The following USP34 variants were observed in gnomAD, a reference collection of about 807,000 sequenced individuals.
USP34 encodes the protein ubiquitin specific peptidase 34.
USP34 carries 70 observed loss-of-function variants against 460.3 expected under a neutral mutation model. The ratio of observed to expected loss-of-function variants is 0.15; its 90% CI spans 0.13 to 0.19. The LOEUF (loss-of-function observed/expected upper bound fraction) is 0.19, where lower values mean the gene tolerates loss of function less well. Ranked by LOEUF, USP34 falls within the 10% of genes least tolerant of loss-of-function variation. The pLI is 1.00. For missense variants in USP34, 3,985 were observed against 4,236.2 expected (o/e 0.94, Z 1.65); for synonymous variants, 1,647 against 1,405.3 (o/e 1.17, Z -3.85).
In USP34 at chr2:61,281,482, T is replaced by C. The variant is rs571129916; in HGVS notation, c.4999-240A>G. On this transcript the variant is annotated intron_variant, in intron 37 of 79. Transcript: ENST00000398571. The stretch of plus-strand genomic sequence containing the variant: ...CAAAAATTAACCGGGTGTGGTGACT[T>C]GCGCCTGTAGTCCCAGCTACTCTGG... Among the ~76,000 whole-genome samples, 287 of 152,252 alleles carry C rather than the reference T, an allele frequency of 1.9e-3. 1 individual carries two copies. Among genetic ancestry groups the C allele is most frequent in the African/African-American group, 6.5e-3 (271 of 41,554 alleles).
At chr2:61,357,499 A>C (rs1377580667) in intron 10 of USP34, among the ~76,000 whole-genome samples, 1 of 152,230 alleles carries the variant, frequency 6.6e-6, no homozygotes, top group East Asian at 1.9e-4. Context: ...ATCTCAATTC[A>C]ACAACTAAAC....
chr2:61,275,371 GT>G, intron 41 of USP34, among the ~76,000 whole-genome samples: 1 of 152,162 alleles, frequency 6.6e-6, no homozygotes, highest in East Asian at 1.9e-4. Flanking sequence ...AATCCCAACA[GT>G]TTGGGAGGCC....
intron 41 of USP34, among the ~76,000 whole-genome samples, chr2:61,270,439 T>C (rs1240556848): frequency 6.6e-6 from 1 of 152,148 alleles, no homozygotes; most frequent in African/African-American, 2.4e-5. Context: ...TATACAATAT[T>C]TTATTTTATT....
At chr2:61,381,252 T>C (rs1176136874) in intron 6 of USP34, among the ~76,000 whole-genome samples, 6 of 127,310 alleles carry the variant, frequency 4.7e-5, no homozygotes, top group Non-Finnish European at 1.0e-4. Context: ...AATGTAAAAC[T>C]AAAAAAAAAT....
rs1244491948 is a variant in USP34 at position 61,301,094 on chromosome 2, A to G, written c.3985T>C (p.Ser1329Pro). 6.2e-7 allele frequency: 1 copy of G among 1,614,036 alleles called. No homozygotes were observed. The highest frequency in any genetic ancestry group is 8.5e-7 in the Non-Finnish European group (1 of 1,180,026). The change falls in exon 29 of 80, where the codon TCT (serine) becomes CCT (proline). Residue 1329 changes from serine to proline, a missense_variant. Around this residue, in one of 14 missense-constraint regions of USP34, gnomAD observed 1,114 missense variants for 1,122.5 expected, o/e 0.99. Coordinates refer to ENST00000398571, the MANE Select transcript of USP34 (RefSeq NM_014709.4). ...TCCTTCTGAGGGGGTGGGAGGCAAG[A>G]TGCTGGCAGCTGAACACCTTCCCCT... ...RKGEGVQLPA[S>P]CLPPPQKDNI... is the part of the protein sequence containing the mutation.
At chr2:61,425,803 G>C (rs759792924) in intron 1 of USP34, among the ~76,000 whole-genome samples, 6 of 152,090 alleles carry the variant, frequency 3.9e-5, no homozygotes, top group Non-Finnish European at 8.8e-5. Context: ...AGGCGGGGCA[G>C]CCAATGGAGT....
intron 19 of USP34, 77 bp downstream of exon 19, chr2:61,333,805 G>A (rs1192065132): frequency 4.0e-6 from 4 of 993,806 alleles, no homozygotes; most frequent in Middle Eastern, 3.4e-4. Context: ...AAAGCTTGTA[G>A]GTTAGTCAAA....
At chr2:61,320,686 A>C (rs1203893366) in intron 21 of USP34, among the ~76,000 whole-genome samples, 2 of 151,796 alleles carry the variant, frequency 1.3e-5, no homozygotes, top group African/African-American at 2.4e-5. Context: ...GCAATATAGG[A>C]AGACATTGTC....
chr2:61,306,005 C>G (rs1223318793), intron 27 of USP34, among the ~76,000 whole-genome samples: 1 of 152,120 alleles, frequency 6.6e-6, no homozygotes, highest in East Asian at 1.9e-4. Context: ...GAGCAGATTG[C>G]AAAAATTTCC....
intron 31 of USP34, 33 bp downstream of exon 31, chr2:61,295,135 A>G (rs771392226): frequency 6.3e-7 from 1 of 1,599,916 alleles, no homozygotes; most frequent in Non-Finnish European, 8.5e-7. Flanking sequence ...AGAGAATACA[A>G]ACATTTAATG....
At chr2:61,190,744 A>G (rs1006076693) in intron 76 of USP34, 86 bp from the exon 77 acceptor site, 3 of 1,472,112 alleles carry the variant, frequency 2.0e-6, no homozygotes, top group African/African-American at 1.4e-5. Context: ...AAAAACATAC[A>G]CTTGTGTATG....
At chr2:61,367,285 T>C (rs1040335049) in intron 10 of USP34, among the ~76,000 whole-genome samples, 1 of 152,170 alleles carries the variant, frequency 6.6e-6, no homozygotes, top group African/African-American at 2.4e-5. Context: ...ATAATTTAAA[T>C]ATGTTTAGAA....
At chr2:61,247,423 C>G (rs1181399456) in intron 49 of USP34, among the ~76,000 whole-genome samples, 1 of 152,166 alleles carries the variant, frequency 6.6e-6, no homozygotes, top group Non-Finnish European at 1.5e-5. Flanking sequence ...TGTGGCCTAA[C>G]AAATTCCTTT....
At chr2:61,452,734 A>G (rs1317746298) in intron 1 of USP34, among the ~76,000 whole-genome samples, 1 of 150,808 alleles carries the variant, frequency 6.6e-6, no homozygotes, top group Non-Finnish European at 1.5e-5. Flanking sequence ...AAAAAAAAAC[A>G]AAAGTTAAGA....
chr2:61,387,564 A>T (rs1229751439), intron 5 of USP34, among the ~76,000 whole-genome samples: 1 of 146,684 alleles, frequency 6.8e-6, no homozygotes. Context: ...ATATTTATAT[A>T]TACACACATA....
chr2:61,347,874 C>CGTGGTGGTGGTGATG lies in USP34; in HGVS notation c.2266_2280dup (p.His756_His760dup), dbSNP rs1553374141. ...TTTATTTTGAAGTAGGCTTACCCAT[C>CGTGGTGGTGGTGATG]GTGGTGGTGGTGATGGTGGTGGTGG... On this transcript the variant is annotated inframe_insertion, in exon 15 of 80. Coordinates refer to ENST00000398571, the MANE Select transcript of USP34 (RefSeq NM_014709.4). 6.2e-6 allele frequency: 10 copies of CGTGGTGGTGGTGATG among 1,611,380 alleles called. No individual in the cohort carries two copies. Among genetic ancestry groups the CGTGGTGGTGGTGATG allele is most frequent in the African/African-American group, 5.3e-5 (4 of 74,840 alleles).
At chr2:61,265,859 C>T in intron 42 of USP34, 125 bp downstream of exon 42, 2 of 936,860 alleles carry the variant, frequency 2.1e-6, no homozygotes, top group Non-Finnish European at 2.9e-6. Context: ...TTAATAACAC[C>T]CTACCAATAA....
chr2:61,270,499 G>A (rs1300280624), intron 41 of USP34, among the ~76,000 whole-genome samples: 6 of 152,136 alleles, frequency 3.9e-5, no homozygotes, highest in East Asian at 3.9e-4. Flanking sequence ...GTAGTGGCAC[G>A]ATCTCGGCTC....
Position 61,214,181 on chromosome 2 carries a change from T to C in USP34, c.8561A>G (p.Tyr2854Cys), listed in dbSNP as rs1687342318. 1 of 1,614,116 alleles carries C rather than the reference T, an allele frequency of 6.2e-7. No individual in the cohort carries two copies. Among genetic ancestry groups the C allele is most frequent in the Non-Finnish European group, 8.5e-7 (1 of 1,180,038 alleles). The change falls in exon 68 of 80, where the codon TAC (tyrosine) becomes TGC (cysteine). Residue 2854 changes from tyrosine (Y) to cysteine (C), a missense_variant. Tyr to Cys is a radical substitution (Grantham distance 194). Around this residue, in one of 14 missense-constraint regions of USP34, gnomAD observed 66 missense variants for 121.2 expected, o/e 0.54. Transcript: ENST00000398571. ...ACAGCAGAGCCTCAGAATGCCATAG[T>C]ACGCTGGCAGCATCCCACGGTTAAA... ...VLFNRGMLPA[Y>C]YGILRLCCEQ...
Sources: gnomAD v4.1 joint callset for allele counts (sites outside exome capture counted in the v4.1 genomes callset) on GRCh38, gnomAD v4.1.1 for gene constraint, gnomAD v4.1.1 regional missense constraint, MANE v1.5 for transcripts, NCBI Gene and HGNC (gene_info 2026-07-23, HGNC 2026-07-21) for gene names.